GNA12: variants seen among roughly 807,000 people sequenced by gnomAD.
The protein encoded by GNA12 is G protein subunit alpha 12.
GNA12 carries 9 observed loss-of-function variants against 26.0 expected under a neutral mutation model. That is an observed-to-expected ratio of 0.35 (90% CI 0.21 to 0.60). The LOEUF is 0.60. Among genes scored for constraint, GNA12 ranks in the 20% least tolerant of loss-of-function variants. The pLI, the probability that GNA12 is intolerant of heterozygous loss-of-function variation, is 0.78. For missense variants in GNA12, 405 were observed against 525.8 expected (o/e 0.77, Z 2.25); for synonymous variants, 264 against 219.6 (o/e 1.20, Z -1.79).
Position 2,731,309 on chromosome 7 carries a change from G to A in GNA12, c.1018C>T (p.Arg340Trp), listed in dbSNP as rs766851973. 2 of 1,613,834 alleles carry A rather than the reference G, an allele frequency of 1.2e-6. No homozygotes were observed. The highest frequency in any genetic ancestry group is 2.2e-5 in the East Asian group (1 of 44,866). The change falls in exon 4 of 4, where the codon CGG (arginine) becomes TGG (tryptophan). Residue 340 changes from arginine to tryptophan, a missense_variant. Physicochemically the swap from Arg to Trp is moderately radical, Grantham distance 101. Transcript: ENST00000275364. The surrounding 1 kb of genome is among the most constrained non-coding windows in gnomAD (Gnocchi z 6.0). ...TGGAAGAGTGGCTTGCTGCGGTTCC[G>A]TCTCTTCCTGTCGAAGCACTGGACC... is the stretch of plus-strand genomic sequence containing the variant. ...YLVQCFDRKRRNRSKPLFHHF... is the reference protein window; with the variant it reads ...YLVQCFDRKRWNRSKPLFHHF...
intron 1 of GNA12, among the ~76,000 whole-genome samples, chr7:2,814,634 C>CT: frequency 8.6e-6 from 1 of 116,702 alleles, no homozygotes; most frequent in African/African-American, 3.1e-5. Flanking sequence ...CCTTTTCCTG[C>CT]CTTTTTTTTT....
At chr7:2,743,837 T>A (rs1375310992) in intron 2 of GNA12, among the ~76,000 whole-genome samples, 2 of 152,014 alleles carry the variant, frequency 1.3e-5, no homozygotes, top group East Asian at 3.9e-4. Flanking sequence ...CACTGCACTT[T>A]CCCAACAGGC....
At chr7:2,832,549 C>T (rs1778708209) in intron 1 of GNA12, among the ~76,000 whole-genome samples, 1 of 152,176 alleles carries the variant, frequency 6.6e-6, no homozygotes, top group South Asian at 2.1e-4. Flanking sequence ...TCTCAGTGTT[C>T]CTCGGGCTTA....
rs1454040683 is a variant in GNA12, at chr7:2,748,097, T to C, written c.526-14596A>G. 2.6e-3 allele frequency among the ~76,000 whole-genome samples: 391 copies of C among 150,818 alleles called. 1 individual carries two copies. The highest frequency in any genetic ancestry group is 9.3e-3 in the African/African-American group (378 of 40,854). ...TGGCCATACTGCCCAAGGTAATTTATAGATTCAATGCCATCCCCATCAAGC... is the reference window on the plus strand; with the variant it reads ...TGGCCATACTGCCCAAGGTAATTTACAGATTCAATGCCATCCCCATCAAGC... On this transcript the variant is annotated intron_variant, in intron 2 of 3. Coordinates refer to ENST00000275364, the MANE Select transcript of GNA12 (RefSeq NM_007353.3).
In GNA12 at chr7:2,783,701, T is replaced by TA. The variant is rs1554259964; in HGVS notation, c.525+11226_525+11227insT. ...TTATTTATTTATTTATTTATTTATTTTGAGATGTAGTATTGCTCTGTCCCC... is the reference window on the plus strand; with the variant it reads ...TTATTTATTTATTTATTTATTTATTTATGAGATGTAGTATTGCTCTGTCCCC... On this transcript the variant is annotated intron_variant, in intron 2 of 3. Transcript: ENST00000275364. Among the ~76,000 whole-genome samples the TA allele has an allele frequency of 3.5e-3, 502 of 142,004 alleles. 4 individuals carry two copies. The highest frequency in any genetic ancestry group is 5.6e-3 in the Non-Finnish European group (360 of 64,052). The allele number at this position is 142,004 out of a possible 152,430, so 93.2% of individuals were successfully genotyped here. A position where few individuals can be genotyped will look rare whatever the true frequency, so the allele number is the denominator to read the frequency against.
intron 2 of GNA12, among the ~76,000 whole-genome samples, chr7:2,760,799 C>T (rs1791517848): frequency 6.6e-6 from 1 of 152,242 alleles, no homozygotes; most frequent in African/African-American, 2.4e-5. Flanking sequence ...ACCGTCCCAG[C>T]TGCGTGGCTT....
At chr7:2,767,725 C>G (rs978076123) in intron 2 of GNA12, among the ~76,000 whole-genome samples, 1 of 152,222 alleles carries the variant, frequency 6.6e-6, no homozygotes, top group Non-Finnish European at 1.5e-5. Flanking sequence ...CAGAAACTTT[C>G]AGATTTTGGA....
intron 2 of GNA12, chr7:2,794,716 T>TTATCTGAGTGGCTCTTGCTCC (rs2115457100): frequency 1.7e-6 from 1 of 583,342 alleles, no homozygotes; most frequent in East Asian, 2.9e-5. Context: ...GCTATTGATC[T>TTATCTGAGTGGCTCTTGCTCC]TACCTGAGTG....
At chr7:2,831,707 A>G (rs978788555) in intron 1 of GNA12, among the ~76,000 whole-genome samples, 1 of 152,012 alleles carries the variant, frequency 6.6e-6, no homozygotes, top group Non-Finnish European at 1.5e-5. Context: ...CCCGCCTGGA[A>G]CTTCATTTTC....
chr7:2,743,869 T>C (rs549530098), intron 2 of GNA12, among the ~76,000 whole-genome samples: 1 of 151,998 alleles, frequency 6.6e-6, no homozygotes, highest in South Asian at 2.1e-4. Flanking sequence ...CACACCAGAT[T>C]ACATCCCGCA....
chr7:2,812,900 T>C (rs1045900707), intron 1 of GNA12, among the ~76,000 whole-genome samples: 13 of 152,182 alleles, frequency 8.5e-5, no homozygotes, highest in East Asian at 3.8e-4. Flanking sequence ...TAAACACATA[T>C]ATAAAATCAA....
intron 2 of GNA12, among the ~76,000 whole-genome samples, chr7:2,755,268 A>G (rs2115376779): frequency 6.6e-6 from 1 of 152,342 alleles, no homozygotes; most frequent in African/African-American, 2.4e-5. Context: ...TACATTTTAC[A>G]ATAATCACAT....
intron 2 of GNA12, among the ~76,000 whole-genome samples, chr7:2,739,250 C>A (rs957438641): frequency 6.6e-6 from 1 of 152,188 alleles, no homozygotes; most frequent in Non-Finnish European, 1.5e-5. Flanking sequence ...AAATGTTGTA[C>A]GGCCACCACT....
chr7:2,842,180 CA>C (rs1779015852), intron 1 of GNA12, among the ~76,000 whole-genome samples: 1 of 143,680 alleles, frequency 7.0e-6, no homozygotes, highest in Admixed American at 6.9e-5. Flanking sequence ...GGAGGGAGGA[CA>C]AAGGACGCTA....
intron 2 of GNA12, among the ~76,000 whole-genome samples, chr7:2,781,564 T>C (rs1792231253): frequency 6.6e-6 from 1 of 152,112 alleles, no homozygotes; most frequent in South Asian, 2.1e-4. Flanking sequence ...ATCTGATAAT[T>C]AGAGAAAGGG....
chr7:2,806,639 G>A (rs1792957314), intron 1 of GNA12, among the ~76,000 whole-genome samples: 1 of 152,072 alleles, frequency 6.6e-6, no homozygotes, highest in African/African-American at 2.4e-5. Context: ...AATGTTATCT[G>A]TCTTATTCTT....
chr7:2,750,904 G>A (rs981435761), intron 2 of GNA12, among the ~76,000 whole-genome samples: 3 of 152,222 alleles, frequency 2.0e-5, no homozygotes, highest in African/African-American at 4.8e-5. Flanking sequence ...GAATGGAAAG[G>A]TGGACAGATG....
In GNA12 at chr7:2,746,153, C is replaced by T. The variant is rs140128164; in HGVS notation, c.526-12652G>A. On this transcript the variant is annotated intron_variant, in intron 2 of 3. Coordinates refer to ENST00000275364, the MANE Select transcript of GNA12 (RefSeq NM_007353.3). ...AAGGATACCCAGGAATTGAATTCAG[C>T]TCTGCACCAAGCAGACCTAATAGAC... Among the ~76,000 whole-genome samples, 759 of 152,288 alleles carry T rather than the reference C, an allele frequency of 5.0e-3. 6 individuals are homozygous for T. Among genetic ancestry groups the T allele is most frequent in the African/African-American group, 0.017 (700 of 41,562 alleles).
chr7:2,842,100 AAG>A (rs1562454047), intron 1 of GNA12, among the ~76,000 whole-genome samples: 7 of 146,738 alleles, frequency 4.8e-5, no homozygotes, highest in African/African-American at 1.0e-4. Flanking sequence ...AAAGGAAGGA[AAG>A]GAAGGAAGGG....
Sources: gnomAD v4.1 joint callset for allele counts (sites outside exome capture counted in the v4.1 genomes callset) on GRCh38, gnomAD v4.1.1 for gene constraint, Gnocchi (gnomAD v3.1) non-coding constraint, MANE v1.5 for transcripts, NCBI Gene and HGNC (gene_info 2026-07-23, HGNC 2026-07-21) for gene names.